Variants in AUTS2 observed in about 807,000 individuals in gnomAD.
AUTS2 encodes autism susceptibility gene 2 protein.
A neutral mutation model predicts 112.4 loss-of-function variants in AUTS2; 17 were observed. The observed-to-expected ratio is 0.15, with a 90% CI of 0.10 to 0.23. The LOEUF (loss-of-function observed/expected upper bound fraction) is 0.23. AUTS2 is among the 10% of genes least tolerant of loss of function. The pLI is 1.00. For missense variants in AUTS2, 1,510 were observed against 1,701.6 expected (o/e 0.89, Z 1.98); for synonymous variants, 751 against 702.7 (o/e 1.07, Z -1.09).
At chr7:70,504,922 G>C (rs763057624) in intron 5 of AUTS2, among the ~76,000 whole-genome samples, 4 of 152,136 alleles carry the variant, frequency 2.6e-5, no homozygotes, top group Non-Finnish European at 5.9e-5. Context: ...CCTTCACAAA[G>C]GTTGTAATCT....
At chr7:69,842,991 T>C (rs942981367) in intron 1 of AUTS2, among the ~76,000 whole-genome samples, 4 of 152,114 alleles carry the variant, frequency 2.6e-5, no homozygotes, top group African/African-American at 9.7e-5. Context: ...TGCTCTGTTG[T>C]AGGCTGATAA....
chr7:70,270,420 C>T lies in AUTS2; in HGVS notation c.660+135849C>T, dbSNP rs1300020697. On this transcript the variant is annotated intron_variant, in intron 4 of 18. Coordinates refer to ENST00000342771, the MANE Select transcript of AUTS2 (RefSeq NM_015570.4). Reference sequence around the variant, plus strand: ...GTGGAAAAATTGGTGTGGTAGTACACGCCAATCCTGGGACCTTCAAGTTGA... The same window carrying T: ...GTGGAAAAATTGGTGTGGTAGTACATGCCAATCCTGGGACCTTCAAGTTGA... Among the ~76,000 whole-genome samples the T allele has an allele frequency of 4.6e-5, 7 of 152,088 alleles. No homozygotes were observed. In the East Asian group the frequency reaches 1.2e-3, roughly 25 times the overall value.
chr7:69,683,233 C>T (rs1796888529), intron 1 of AUTS2, among the ~76,000 whole-genome samples: 1 of 152,180 alleles, frequency 6.6e-6, no homozygotes, highest in Non-Finnish European at 1.5e-5. Context: ...ACGCAGCTAC[C>T]TGGCTGGTTG....
At chr7:69,661,239 G>A (rs2129143635) in intron 1 of AUTS2, among the ~76,000 whole-genome samples, 2 of 152,336 alleles carry the variant, frequency 1.3e-5, no homozygotes, top group South Asian at 4.2e-4. Flanking sequence ...TTTCTTGAAG[G>A]TGATGAACCT....
chr7:70,422,476 T>C (rs916447595), intron 4 of AUTS2, among the ~76,000 whole-genome samples: 46 of 152,140 alleles, frequency 3.0e-4, no homozygotes, highest in Non-Finnish European at 5.4e-4. Flanking sequence ...TACTGTCACC[T>C]CAAAATTATA....
chr7:70,468,704 A>T (rs932524240), intron 5 of AUTS2, among the ~76,000 whole-genome samples: 5 of 152,198 alleles, frequency 3.3e-5, no homozygotes, highest in Non-Finnish European at 7.3e-5. Context: ...AGACCCGGTC[A>T]GCATGGAGCA....
At chr7:70,287,819 A>AT (rs1788531650) in intron 4 of AUTS2, among the ~76,000 whole-genome samples, 1 of 152,070 alleles carries the variant, frequency 6.6e-6, no homozygotes, top group South Asian at 2.1e-4. Context: ...TCTCAAAAAA[A>AT]AAAAAAAATT....
intron 1 of AUTS2, among the ~76,000 whole-genome samples, chr7:69,882,926 T>C (rs939070841): frequency 6.6e-6 from 1 of 152,194 alleles, no homozygotes; most frequent in African/African-American, 2.4e-5. Context: ...ATTAATTGTA[T>C]CAGTCAGGAA....
chr7:70,050,095 G>A (rs1801679552), intron 2 of AUTS2, among the ~76,000 whole-genome samples: 1 of 151,916 alleles, frequency 6.6e-6, no homozygotes, highest in Non-Finnish European at 1.5e-5. Flanking sequence ...GGTGGCTCAT[G>A]CCTCTAATCT....
chr7:70,538,916 A>G (rs1322109506), intron 5 of AUTS2, among the ~76,000 whole-genome samples: 1 of 152,170 alleles, frequency 6.6e-6, no homozygotes, highest in Non-Finnish European at 1.5e-5. Flanking sequence ...TGGGTTCTGG[A>G]TGAACAAAAC....
At chr7:70,485,955 G>C (rs1797977487) in intron 5 of AUTS2, among the ~76,000 whole-genome samples, 1 of 151,588 alleles carries the variant, frequency 6.6e-6, no homozygotes, top group Non-Finnish European at 1.5e-5. Context: ...GCAACCAAAG[G>C]CTGTCACTTG....
intron 1 of AUTS2, among the ~76,000 whole-genome samples, chr7:69,604,614 G>A (rs1296832587): frequency 6.6e-6 from 1 of 152,196 alleles, no homozygotes; most frequent in Non-Finnish European, 1.5e-5. Flanking sequence ...GAAGGAGTTG[G>A]AGCTAGGGAG....
At chr7:70,787,146 C>G in intron 17 of AUTS2, 63 bp from the exon 18 acceptor site, 2 of 1,515,258 alleles carry the variant, frequency 1.3e-6, no homozygotes, top group Non-Finnish European at 1.8e-6. Context: ...TGGTAAGTAC[C>G]TTCATTACAG....
chr7:70,068,986 A>T (rs1802628990), intron 2 of AUTS2, among the ~76,000 whole-genome samples: 1 of 152,248 alleles, frequency 6.6e-6, no homozygotes, highest in Non-Finnish European at 1.5e-5. Flanking sequence ...TTTGACTGTC[A>T]CTTGCATCTT....
chr7:70,792,864 G>C lies in AUTS2; in HGVS notation c.*1868G>C, dbSNP rs996865039. The C allele has an allele frequency of 6.6e-6, 1 of 152,590 alleles. No individual in the cohort carries two copies. The highest frequency in any genetic ancestry group is 2.4e-5 in the African/African-American group (1 of 41,432). The allele number at this position is 152,590 out of a possible 1,614,324, so 9.5% of individuals were successfully genotyped here. On this transcript the variant is annotated 3_prime_UTR_variant, in exon 19 of 19. Transcript: ENST00000342771. ...ACTGTGCCATGTTATTAAAAAATGT[G>C]AACTAAGCTTCCAGCTGCTTGTTTG...
chr7:70,339,812 A>G (rs959926885), intron 4 of AUTS2, among the ~76,000 whole-genome samples: 2 of 152,172 alleles, frequency 1.3e-5, no homozygotes, highest in African/African-American at 4.8e-5. Context: ...ATTAGACTTT[A>G]GACTGTCACA....
intron 4 of AUTS2, among the ~76,000 whole-genome samples, chr7:70,155,306 G>C (rs944810814): frequency 6.6e-6 from 1 of 152,120 alleles, no homozygotes; most frequent in African/African-American, 2.4e-5. Context: ...ACAGTGCAAG[G>C]CTCCTAGGAA....
Position 69,599,281 on chromosome 7 carries a change from T to G in AUTS2, c.-373T>G. 2 of 168,472 alleles carry G rather than the reference T, an allele frequency of 1.2e-5. No homozygotes were observed. Among genetic ancestry groups the G allele is most frequent in the East Asian group, 1.6e-4 (1 of 6,364 alleles). The allele number at this position is 168,472 out of a possible 1,614,324, so 10.4% of individuals were successfully genotyped here. On this transcript the variant is annotated 5_prime_UTR_variant, in exon 1 of 19. Coordinates refer to ENST00000342771, the MANE Select transcript of AUTS2 (RefSeq NM_015570.4). This position sits in a 1 kb window ranked among gnomAD's most constrained non-coding sequence, Gnocchi z 7.0. ...GTCTCTTGATCAAAGCATTCCGCTA[T>G]TCTGATTTATTGCTTGCTTGGTGAG...
intron 2 of AUTS2, among the ~76,000 whole-genome samples, chr7:70,070,564 C>A (rs1278783763): frequency 6.7e-6 from 1 of 150,224 alleles, no homozygotes; most frequent in African/African-American, 2.5e-5. Context: ...GGGCGATAAG[C>A]AAGACTGTGT....
Sources: allele counts gnomAD v4.1 joint callset (sites outside exome capture counted in the v4.1 genomes callset), GRCh38; gene constraint gnomAD v4.1.1; non-coding constraint Gnocchi (gnomAD v3.1); transcripts MANE v1.5; gene names NCBI Gene and HGNC (gene_info 2026-07-23, HGNC 2026-07-21).